The following RARS1 variants were observed in gnomAD, a reference collection of about 807,000 sequenced individuals.
RARS1 encodes arginine--tRNA ligase, cytoplasmic.
In RARS1, 75 loss-of-function variants were observed where a neutral mutation model predicts 78.7. That is an observed-to-expected ratio of 0.95 (90% CI 0.79 to 1.15). RARS1 has a LOEUF of 1.15. Among genes scored for constraint, RARS1 ranks in the 50% most tolerant of loss-of-function variants. RARS1 has a pLI of 0.00. For missense variants in RARS1, 787 were observed against 787.5 expected, an observed-to-expected ratio of 1.00 and a Z score of 0.01; for synonymous variants, 273 against 268.2, an observed-to-expected ratio of 1.02 and a Z score of -0.18.
At chr5:168,509,842 G>T (rs1008259715) in intron 11 of RARS1, among the ~76,000 whole-genome samples, 3 of 151,856 alleles carry the variant, frequency 2.0e-5, no homozygotes, top group African/African-American at 7.3e-5. Flanking sequence ...ATGGTGGCTC[G>T]CACCTATAGA....
Position 168,506,175 on chromosome 5 carries a change from T to A in RARS1, c.1212T>A (p.Ile404=), listed in dbSNP as rs546996451. ...QRLFEEKADM[I]IYVVDNGQSV... is the part of the protein sequence containing the mutation. ...TATTTGAGGAAAAAGCAGATATGAT[T>A]ATCTATGTTGTGGACAATGGACAAG... Residue 404 remains isoleucine, a synonymous_variant, in exon 10 of 15, where the codon ATT becomes ATA. Transcript: ENST00000231572. The A allele has an allele frequency of 6.3e-7, 1 of 1,582,288 alleles. No individual in the cohort carries two copies. Among genetic ancestry groups the A allele is most frequent in the Admixed American group, 1.9e-5 (1 of 53,972 alleles).
At chr5:168,515,376 T>C (rs1758644122) in intron 12 of RARS1, among the ~76,000 whole-genome samples, 1 of 152,170 alleles carries the variant, frequency 6.6e-6, no homozygotes, top group South Asian at 2.1e-4. Flanking sequence ...GGTTTGAAAC[T>C]CCTGGCCTCA....
At chr5:168,518,999 A>G (rs960174523) in intron 14 of RARS1, 82 bp from the exon 15 acceptor site, 3 of 1,220,418 alleles carry the variant, frequency 2.5e-6, no homozygotes, top group Non-Finnish European at 3.5e-6. Flanking sequence ...TCTAACTAAA[A>G]TTTGCAAGTA....
In RARS1 at chr5:168,492,789, C is replaced by G; in HGVS notation, c.311C>G (p.Pro104Arg). The part of the protein sequence containing the change: ...DLENPPLLVT[P>R]SQQAKFGDYQ... ...GAAAATCCTCCTCTGCTAGTGACAC[C>G]AAGTCAGCAGGCCAAGTTTGGGGAC... The change falls in exon 3 of 15, where the codon CCA (proline) becomes CGA (arginine). Residue 104 changes from proline to arginine, a missense_variant. Coordinates refer to ENST00000231572, the MANE Select transcript of RARS1 (RefSeq NM_002887.4). The G allele has an allele frequency of 6.2e-7, 1 of 1,613,854 alleles. No individual in the cohort carries two copies. The highest frequency in any genetic ancestry group is 8.5e-7 in the Non-Finnish European group (1 of 1,179,788).
chr5:168,499,350 GA>G (rs1758267652), intron 7 of RARS1, among the ~76,000 whole-genome samples: 1 of 152,088 alleles, frequency 6.6e-6, no homozygotes, highest in Non-Finnish European at 1.5e-5. Context: ...ATGGTGGAAG[GA>G]TCATAAAGAT....
At chr5:168,514,744 G>A (rs1037327734) in intron 12 of RARS1, among the ~76,000 whole-genome samples, 6 of 152,118 alleles carry the variant, frequency 3.9e-5, no homozygotes, top group African/African-American at 1.4e-4. Flanking sequence ...TCTCACTAAT[G>A]ACCTTTTTCT....
At chr5:168,506,306 A>G in intron 10 of RARS1, 107 bp downstream of exon 10, 1 of 972,174 alleles carries the variant, frequency 1.0e-6, no homozygotes, top group Admixed American at 2.8e-5. Context: ...TTCCCCAAAG[A>G]CTAAGATTCA....
chr5:168,508,659 G>C (rs1018804863), intron 11 of RARS1, among the ~76,000 whole-genome samples: 1 of 151,594 alleles, frequency 6.6e-6, no homozygotes, highest in Non-Finnish European at 1.5e-5. Context: ...CACAGAGGGG[G>C]ATGGGACTTA....
chr5:168,502,020 T>C lies in RARS1; in HGVS notation c.972T>C (p.Asp324=), dbSNP rs1168335682. 7 of 1,590,786 alleles carry C rather than the reference T, an allele frequency of 4.4e-6. No homozygotes were observed. The highest frequency in any genetic ancestry group is 5.1e-6 in the Non-Finnish European group (6 of 1,171,168). ...VSRQELNKIY[D]ALDVSLIERG... is the part of the protein sequence containing the mutation. The stretch of plus-strand genomic sequence containing the variant: ...CCCTAGAGTTAAATAAAATCTATGA[T>C]GCATTGGACGTCTCTTTAATAGAGA... Residue 324 remains aspartate (D), a synonymous_variant, in exon 9 of 15, where the codon GAT becomes GAC. Coordinates refer to ENST00000231572, the MANE Select transcript of RARS1 (RefSeq NM_002887.4).
intron 4 of RARS1, 115 bp from the exon 5 acceptor site, chr5:168,494,435 T>C (rs1389821001): frequency 1.3e-6 from 2 of 1,511,110 alleles, no homozygotes; most frequent in African/African-American, 1.4e-5. Flanking sequence ...ACAACTGGTA[T>C]TGGAATCCGG....
chr5:168,489,312 C>T lies in RARS1; in HGVS notation c.180+576C>T, dbSNP rs2152903243. ...TTGGAATTACAAGTATAACCTACTG[C>T]ACCCAGCAAGGTTGAGGCATTTCTT... On this transcript the variant is annotated intron_variant, in intron 2 of 14. Transcript: ENST00000231572. Among the ~76,000 whole-genome samples, 2 of 152,178 alleles carry T rather than the reference C, an allele frequency of 1.3e-5. 1 individual carries two copies. The highest frequency in any genetic ancestry group is 3.9e-4 in the East Asian group (2 of 5,162).
At chr5:168,488,252 C>A in intron 1 of RARS1, 1 of 359,552 alleles carries the variant, frequency 2.8e-6, no homozygotes, top group Non-Finnish European at 5.5e-6. Flanking sequence ...CTCAGCCTCC[C>A]AAGTAGCTAG....
chr5:168,515,181 T>A (rs1758639602), intron 12 of RARS1, among the ~76,000 whole-genome samples: 1 of 152,246 alleles, frequency 6.6e-6, no homozygotes, highest in African/African-American at 2.4e-5. Context: ...AAGTATTTTT[T>A]AAGTAGCTTC....
At chr5:168,494,251 G>C (rs904876020) in intron 4 of RARS1, 68 of 985,254 alleles carry the variant, frequency 6.9e-5, no homozygotes, top group Non-Finnish European at 8.0e-5. Context: ...AATGAGGATA[G>C]ATAATGGCAG....
At chr5:168,506,597 G>A (rs1390581049) in intron 10 of RARS1, 125 bp from the exon 11 acceptor site, 2 of 668,170 alleles carry the variant, frequency 3.0e-6, no homozygotes, top group Non-Finnish European at 2.5e-6. Context: ...TTTTATAATA[G>A]CACTTGTCTC....
chr5:168,518,979 A>G, intron 14 of RARS1, 102 bp from the exon 15 acceptor site: 1 of 821,922 alleles, frequency 1.2e-6, no homozygotes, highest in Non-Finnish European at 2.0e-6. Flanking sequence ...TGTGGGTTGG[A>G]CTATGCACTT....
intron 12 of RARS1, among the ~76,000 whole-genome samples, chr5:168,511,228 AGAG>A (rs1204718167): frequency 6.6e-6 from 1 of 150,668 alleles, no homozygotes; most frequent in Non-Finnish European, 1.5e-5. Context: ...TTAGAGCAGT[AGAG>A]GAGAGGTCAT....
At chr5:168,491,065 A>G (rs1354529122) in intron 2 of RARS1, among the ~76,000 whole-genome samples, 1 of 152,262 alleles carries the variant, frequency 6.6e-6, no homozygotes, top group Non-Finnish European at 1.5e-5. Flanking sequence ...TAAACCCAGG[A>G]GGCAGAGGTT....
Position 168,497,309 on chromosome 5 carries a change from A to G in RARS1, c.783A>G (p.Thr261=), listed in dbSNP as rs1384112898. 1 of 1,591,456 alleles carries G rather than the reference A, an allele frequency of 6.3e-7. No homozygotes were observed. Among genetic ancestry groups the G allele is most frequent in the African/African-American group, 1.3e-5 (1 of 74,386 alleles). ...HLQDKFPDYL[T]VSPPIGDLQV... Reference sequence around the variant, plus strand: ...AAGACAAATTTCCAGATTATCTAACAGTTTCACCTCCTATTGGGGATCTTC... The same window carrying G: ...AAGACAAATTTCCAGATTATCTAACGGTTTCACCTCCTATTGGGGATCTTC... The change falls in exon 7 of 15, where the codon ACA becomes ACG. Residue 261 remains threonine (T), a synonymous_variant. Transcript: ENST00000231572.
Sources: allele counts gnomAD v4.1 joint callset (sites outside exome capture counted in the v4.1 genomes callset), GRCh38; gene constraint gnomAD v4.1.1; transcripts MANE v1.5; gene names NCBI Gene and HGNC (gene_info 2026-07-23, HGNC 2026-07-21).